The following ICA1L variants were observed in gnomAD, a reference collection of about 807,000 sequenced individuals.
ICA1L encodes islet cell autoantigen 1 like, also known as islet cell autoantigen 1-like protein.
Under a neutral mutation model 61.3 loss-of-function variants are expected in ICA1L, and 50 were observed. The observed-to-expected ratio is 0.82, with a 90% confidence interval of 0.65 to 1.03. The LOEUF (loss-of-function observed/expected upper bound fraction) is 1.03, where lower values mean the gene tolerates loss of function less well. Among genes scored for constraint, ICA1L ranks in the 50% least tolerant of loss-of-function variants. The pLI is 0.00. For missense variants in ICA1L, 508 were observed against 556.7 expected (o/e 0.91, Z 0.88); for synonymous variants, 161 against 191.3 (o/e 0.84, Z 1.31).
chr2:202,831,177 A>G (rs980964289), intron 1 of ICA1L, among the ~76,000 whole-genome samples: 1 of 152,304 alleles, frequency 6.6e-6, no homozygotes, highest in South Asian at 2.1e-4. Context: ...ATATCCTCCC[A>G]TATTCCTGGG....
Position 202,779,449 on chromosome 2 carries a change from G to T in ICA1L, c.*84C>A. ...CACAAACACCGTGCTTTTGTGTGCG[G>T]GTTACAATCTAAATCCTTTCCACGA... On this transcript the variant is annotated 3_prime_UTR_variant, in exon 13 of 13. Transcript: ENST00000358299. The T allele has an allele frequency of 2.5e-6, 2 of 793,384 alleles. No homozygotes were observed. The highest frequency in any genetic ancestry group is 1.7e-5 in the South Asian group (1 of 57,158). The allele number at this position is 793,384 out of a possible 1,614,324, so 49.1% of individuals were successfully genotyped here.
intron 10 of ICA1L, among the ~76,000 whole-genome samples, chr2:202,796,566 T>C (rs1344765681): frequency 2.6e-5 from 4 of 152,238 alleles, no homozygotes; most frequent in Non-Finnish European, 4.4e-5. Context: ...TGCTAGTATC[T>C]AATGACACTA....
At chr2:202,833,018 A>G (rs750632943) in intron 1 of ICA1L, among the ~76,000 whole-genome samples, 5 of 152,116 alleles carry the variant, frequency 3.3e-5, no homozygotes, top group Non-Finnish European at 7.3e-5. Flanking sequence ...GACAAACCCC[A>G]CGCAGGATAA....
intron 1 of ICA1L, among the ~76,000 whole-genome samples, chr2:202,833,658 A>T (rs933605453): frequency 1.3e-5 from 2 of 152,234 alleles, no homozygotes; most frequent in Admixed American, 1.3e-4. Context: ...GCTCTGAGAG[A>T]CTACCTGATC....
chr2:202,794,448 A>T (rs1405108185), intron 10 of ICA1L, among the ~76,000 whole-genome samples: 2 of 152,130 alleles, frequency 1.3e-5, no homozygotes, highest in African/African-American at 4.8e-5. Flanking sequence ...ATCTGTGTCC[A>T]AAGCCAGCAT....
At chr2:202,851,004 AATTTTC>A (rs1346247169) in intron 1 of ICA1L, among the ~76,000 whole-genome samples, 1 of 151,896 alleles carries the variant, frequency 6.6e-6, no homozygotes, top group East Asian at 1.9e-4. Context: ...TAAAGAAAAT[AATTTTC>A]TTTTTTTTTT....
In ICA1L at chr2:202,776,021, A is replaced by G. The variant is rs191184881; in HGVS notation, c.*3512T>C. On this transcript the variant is annotated 3_prime_UTR_variant, in exon 13 of 13. Coordinates refer to ENST00000358299, the MANE Select transcript of ICA1L (RefSeq NM_001288622.3). Reference sequence around the variant, plus strand: ...TTAAAAGAGGCTCAGAAAAATAGATAGAGCACATGTAAACTTCCTTCGTTC... The same window carrying G: ...TTAAAAGAGGCTCAGAAAAATAGATGGAGCACATGTAAACTTCCTTCGTTC... 1.3e-5 allele frequency: 2 copies of G among 152,264 alleles called. No individual in the cohort carries two copies. The highest frequency in any genetic ancestry group is 3.8e-4 in the East Asian group (2 of 5,196). The allele number at this position is 152,264 out of a possible 1,614,324, so 9.4% of individuals were successfully genotyped here. A position where few individuals can be genotyped will look rare whatever the true frequency, so the allele number is the denominator to read the frequency against.
At chr2:202,852,082 C>A (rs906234143) in intron 1 of ICA1L, among the ~76,000 whole-genome samples, 10 of 152,012 alleles carry the variant, frequency 6.6e-5, no homozygotes, top group Admixed American at 3.3e-4. Flanking sequence ...GTCCTTGCCG[C>A]TGCCTATGTC....
intron 1 of ICA1L, among the ~76,000 whole-genome samples, chr2:202,848,342 T>C (rs567465276): frequency 1.3e-5 from 2 of 152,166 alleles, no homozygotes; most frequent in Non-Finnish European, 1.5e-5. Flanking sequence ...AAAACAGCAA[T>C]TGCATGGGAC....
chr2:202,833,946 A>G (rs1482499234), intron 1 of ICA1L, among the ~76,000 whole-genome samples: 4 of 152,188 alleles, frequency 2.6e-5, no homozygotes, highest in African/African-American at 7.2e-5. Context: ...TGTTTGTCAA[A>G]GGACACAAAA....
chr2:202,778,559 A>T lies in ICA1L; in HGVS notation c.*974T>A, dbSNP rs60785646. On this transcript the variant is annotated 3_prime_UTR_variant, in exon 13 of 13. Coordinates refer to ENST00000358299, the MANE Select transcript of ICA1L (RefSeq NM_001288622.3). Reference sequence around the variant, plus strand: ...AAATAATTATGTCACAAAATATGAGATAAGTATGCAAATATATGTAAGGAT... The same window carrying T: ...AAATAATTATGTCACAAAATATGAGTTAAGTATGCAAATATATGTAAGGAT... The T allele has an allele frequency of 0.023, 3,543 of 152,316 alleles. 161 individuals are homozygous for T. The highest frequency in any genetic ancestry group is 0.16 in the East Asian group (810 of 5,168). 9.4% of individuals were successfully genotyped at this position (152,316 alleles called of 1,614,324 possible).
In ICA1L at chr2:202,774,729, A is replaced by AC. The variant is rs1471509504; in HGVS notation, c.*4803dup. On this transcript the variant is annotated 3_prime_UTR_variant, in exon 13 of 13. Coordinates refer to ENST00000358299, the MANE Select transcript of ICA1L (RefSeq NM_001288622.3). ...AATTTCACTGGTGCATTTAAATGTT[A>AC]CTAGGTCATGGGCAAGGTAGCAAGG... The AC allele has an allele frequency of 1.3e-5, 2 of 158,916 alleles. No individual in the cohort carries two copies. The highest frequency in any genetic ancestry group is 2.7e-5 in the Non-Finnish European group (2 of 72,750). 9.8% of individuals were successfully genotyped at this position (158,916 alleles called of 1,614,324 possible). A position where few individuals can be genotyped will look rare whatever the true frequency, so the allele number is the denominator to read the frequency against.
intron 1 of ICA1L, chr2:202,840,907 G>C (rs537008479): frequency 2.0e-4 from 144 of 709,774 alleles, no homozygotes; most frequent in Non-Finnish European, 2.7e-4. Context: ...TTCCCAGCCA[G>C]CGTCTGCAGT....
chr2:202,811,379 G>A (rs1265376608), intron 9 of ICA1L, among the ~76,000 whole-genome samples: 2 of 152,074 alleles, frequency 1.3e-5, no homozygotes, highest in Admixed American at 6.6e-5. Context: ...TGGAGGCTGG[G>A]CGCGGTGGCT....
chr2:202,819,587 T>C, intron 5 of ICA1L, 114 bp downstream of exon 5: 2 of 819,546 alleles, frequency 2.4e-6, no homozygotes, highest in Non-Finnish European at 3.9e-6. Flanking sequence ...CAACCAAGAA[T>C]GTATAATGAA....
At chr2:202,852,671 C>CA (rs574400027) in intron 1 of ICA1L, among the ~76,000 whole-genome samples, 1,470 of 41,664 alleles carry the variant, frequency 0.035, 122 homozygotes, top group African/African-American at 0.13. Context: ...GACTCTGTCT[C>CA]AAAAAAAAAA....
rs1692561242 is a variant in ICA1L, at chr2:202,785,782, C to A, written c.1333+136G>T. ...ATTGAGGGATAAGCAGTATAGCTTT[C>A]ATTTTAATAATAATCATTATTAAAC... is the stretch of plus-strand genomic sequence containing the variant. On this transcript the variant is annotated intron_variant, in intron 12 of 12. Coordinates refer to ENST00000358299, the MANE Select transcript of ICA1L (RefSeq NM_001288622.3). The A allele has an allele frequency of 1.3e-5, 7 of 535,880 alleles. No individual in the cohort carries two copies. In the Admixed American group the frequency reaches 2.1e-4, roughly 16 times the overall value. 33.2% of individuals were successfully genotyped at this position (535,880 alleles called of 1,614,324 possible).
intron 1 of ICA1L, among the ~76,000 whole-genome samples, chr2:202,856,851 A>C (rs1017701537): frequency 6.6e-6 from 1 of 152,214 alleles, no homozygotes; most frequent in African/African-American, 2.4e-5. Flanking sequence ...ACAAGCAGAG[A>C]GCCAAACCAT....
Position 202,779,668 on chromosome 2 carries a change from A to G in ICA1L, c.1334-20T>C, listed in dbSNP as rs772504587. ...TGGGGGCTATTAAAAAAGAAAAAAA[A>G]TACATTAAAGAGATTCAGTTTTGAA... On this transcript the variant is annotated intron_variant, in intron 12 of 12. Coordinates refer to ENST00000358299, the MANE Select transcript of ICA1L (RefSeq NM_001288622.3). The G allele has an allele frequency of 1.2e-5, 17 of 1,379,334 alleles. No homozygotes were observed. Among genetic ancestry groups the G allele is most frequent in the Non-Finnish European group, 1.6e-5 (16 of 975,654 alleles). The allele number at this position is 1,379,334 out of a possible 1,614,324, so 85.4% of individuals were successfully genotyped here.
Sources: allele counts gnomAD v4.1 joint callset (sites outside exome capture counted in the v4.1 genomes callset), GRCh38; gene constraint gnomAD v4.1.1; transcripts MANE v1.5; gene names NCBI Gene and HGNC (gene_info 2026-07-23, HGNC 2026-07-21).